MTOR: variants seen among roughly 807,000 people sequenced by gnomAD.
MTOR encodes the protein mechanistic target of rapamycin kinase, also known as serine/threonine-protein kinase mTOR.
Under a neutral mutation model 319.8 loss-of-function variants are expected in MTOR, and 70 were observed. That is an observed-to-expected ratio of 0.22 (90% CI 0.18 to 0.27). MTOR has a LOEUF of 0.27. Ranked by LOEUF, MTOR falls within the 10% of genes least tolerant of loss-of-function variation. The pLI, the probability that MTOR is intolerant of heterozygous loss-of-function variation, is 1.00. For missense variants in MTOR, 1,890 were observed against 3,274.4 expected, an observed-to-expected ratio of 0.58 and a Z score of 10.32; for synonymous variants, 1,183 against 1,211.4, an observed-to-expected ratio of 0.98 and a Z score of 0.49.
At position 11,129,115 on chromosome 1, in the gene MTOR, G is replaced by A. The variant is rs1222919956; in HGVS notation, c.5715-164C>T. On this transcript the variant is annotated intron_variant, in intron 40 of 57. Transcript: ENST00000361445. The surrounding 1 kb of genome is among the most constrained non-coding windows in gnomAD (Gnocchi z 4.7). ...GAGCAGGTGTCTGTGATGGGTGGCAGTGCTCTTGACTGAACACCGTAAGAG... is the reference window on the plus strand; with the variant it reads ...GAGCAGGTGTCTGTGATGGGTGGCAATGCTCTTGACTGAACACCGTAAGAG... Among the ~76,000 whole-genome samples the A allele has an allele frequency of 6.6e-6, 1 of 152,170 alleles. No individual in the cohort carries two copies. The highest frequency in any genetic ancestry group is 1.5e-5 in the Non-Finnish European group (1 of 68,028).
intron 28 of MTOR, among the ~76,000 whole-genome samples, chr1:11,183,596 T>C (rs1402268341): frequency 2.6e-5 from 4 of 152,228 alleles, no homozygotes; most frequent in Non-Finnish European, 5.9e-5. Flanking sequence ...AATGACTACT[T>C]TTGTTGCATT....
chr1:11,202,718 A>G (rs1646017365), intron 26 of MTOR, among the ~76,000 whole-genome samples: 1 of 152,018 alleles, frequency 6.6e-6, no homozygotes, highest in South Asian at 2.1e-4. Flanking sequence ...GTTTGAGATC[A>G]GCCTGGGCAA....
intron 47 of MTOR, among the ~76,000 whole-genome samples, chr1:11,124,171 C>T (rs1457310293): frequency 6.6e-6 from 1 of 151,876 alleles, no homozygotes; most frequent in Non-Finnish European, 1.5e-5. Flanking sequence ...CTCAAGTGAT[C>T]CTCCTACCTT....
chr1:11,212,669 T>C lies in MTOR; in HGVS notation c.3398+127A>G. 9.3e-7 allele frequency: 1 copy of C among 1,079,512 alleles called. No individual in the cohort carries two copies. The highest frequency in any genetic ancestry group is 2.4e-5 in the East Asian group (1 of 41,782). 66.9% of individuals were successfully genotyped at this position (1,079,512 alleles called of 1,614,324 possible). A position where few individuals can be genotyped will look rare whatever the true frequency, so the allele number is the denominator to read the frequency against. On this transcript the variant is annotated intron_variant, in intron 22 of 57. Coordinates refer to ENST00000361445, the MANE Select transcript of MTOR (RefSeq NM_004958.4). This position sits in a 1 kb window ranked among gnomAD's most constrained non-coding sequence, Gnocchi z 4.1. ...GATTTCCATAAACCTGGGATATTTC[T>C]AGACTAAAATAATGTGAGTTGAAAT...
At position 11,127,569 on chromosome 1, in the gene MTOR, T is replaced by G; in HGVS notation, c.6216+55A>C. 1 of 1,524,866 alleles carries G rather than the reference T, an allele frequency of 6.6e-7. No homozygotes were observed. Among genetic ancestry groups the G allele is most frequent in the Non-Finnish European group, 8.8e-7 (1 of 1,136,842 alleles). 94.5% of individuals were successfully genotyped at this position (1,524,866 alleles called of 1,614,324 possible). ...AAAACTTTTCTCATTTCATTTTTTT[T>G]TAGTGGCAGAATATTTCTACAGGGT... On this transcript the variant is annotated intron_variant, in intron 44 of 57. Transcript: ENST00000361445. The surrounding 1 kb of genome is among the most constrained non-coding windows in gnomAD (Gnocchi z 5.5).
Position 11,129,096 on chromosome 1 carries a change from G to A in MTOR, c.5715-145C>T, listed in dbSNP as rs1642990380. The A allele has an allele frequency of 3.0e-6, 2 of 662,526 alleles. No individual in the cohort carries two copies. The highest frequency in any genetic ancestry group is 4.7e-5 in the Admixed American group (2 of 42,518). 41.0% of individuals were successfully genotyped at this position (662,526 alleles called of 1,614,324 possible). The stretch of plus-strand genomic sequence containing the variant: ...TGTGTTTGGCCTCCCATGGGAGCAG[G>A]TGTCTGTGATGGGTGGCAGTGCTCT... On this transcript the variant is annotated intron_variant, in intron 40 of 57. Coordinates refer to ENST00000361445, the MANE Select transcript of MTOR (RefSeq NM_004958.4). The surrounding 1 kb of genome is among the most constrained non-coding windows in gnomAD (Gnocchi z 4.7).
rs1054327615 is a variant in MTOR at position 11,224,899 on chromosome 1, A to G, written c.3030+3769T>C. ...TAAAGGAAGAATGAATTACTGATACATGCCACACATGGATGAACCTCAAAA... is the reference window on the plus strand; with the variant it reads ...TAAAGGAAGAATGAATTACTGATACGTGCCACACATGGATGAACCTCAAAA... On this transcript the variant is annotated intron_variant, in intron 19 of 57. Transcript: ENST00000361445. Among the ~76,000 whole-genome samples the G allele has an allele frequency of 2.6e-5, 4 of 152,370 alleles. No individual in the cohort carries two copies. In the South Asian group the frequency reaches 8.3e-4, roughly 32 times the overall value.
chr1:11,157,354 CCA>C lies in MTOR; in HGVS notation c.4330-65_4330-64del, dbSNP rs1269384004. 3.9e-6 allele frequency: 6 copies of C among 1,555,496 alleles called. No homozygotes were observed. The East Asian group carries it at 1.4e-4, about 36-fold the overall frequency. Reference sequence around the variant, plus strand: ...AGAAGAAGGGATCACATTGTTTAATCCACATACTCTCTTTCCTAATGTGCTGC... The same window carrying C: ...AGAAGAAGGGATCACATTGTTTAATCCATACTCTCTTTCCTAATGTGCTGC... On this transcript the variant is annotated intron_variant, in intron 29 of 57. Transcript: ENST00000361445.
At chr1:11,170,011 C>T (rs113238417) in intron 28 of MTOR, among the ~76,000 whole-genome samples, 4,544 of 152,294 alleles carry the variant, frequency 0.03, 175 homozygotes, top group Admixed American at 0.071. Flanking sequence ...TGTCCAGTAT[C>T]CAGTTTCTAG....
At chr1:11,237,756 C>G in intron 13 of MTOR, 87 bp downstream of exon 13, 1 of 1,441,162 alleles carries the variant, frequency 6.9e-7, no homozygotes. Context: ...CTCCCCCATC[C>G]TTGTCCTCAA....
rs145140832 is a variant in MTOR at position 11,129,994 on chromosome 1, A to T, written c.5614-156T>A. ...AATCTTTAATCATTACCTGGCACAT[A>T]GCAAAGACTCAATAAATGGCAACTG... On this transcript the variant is annotated intron_variant, in intron 39 of 57. Transcript: ENST00000361445. This position sits in a 1 kb window ranked among gnomAD's most constrained non-coding sequence, Gnocchi z 4.7. Among the ~76,000 whole-genome samples the T allele has an allele frequency of 0.011, 1,712 of 152,368 alleles. 68 individuals are homozygous for T. Among genetic ancestry groups the T allele is most frequent in the South Asian group, 0.065 (314 of 4,822 alleles).
At chr1:11,149,339 C>G (rs2100532972) in intron 31 of MTOR, 1 of 152,212 alleles carries the variant, frequency 6.6e-6, no homozygotes, top group East Asian at 1.9e-4. Context: ...CACTGACATC[C>G]AGGAAAGGTG....
chr1:11,209,579 A>T, intron 24 of MTOR, 121 bp from the exon 25 acceptor site: 2 of 1,185,430 alleles, frequency 1.7e-6, no homozygotes, highest in Non-Finnish European at 1.2e-6. Flanking sequence ...AAGAAGTAAA[A>T]AGTTGCACAT....
chr1:11,202,639 GTGA>G (rs1386293028), intron 26 of MTOR, among the ~76,000 whole-genome samples: 2 of 151,880 alleles, frequency 1.3e-5, no homozygotes, highest in African/African-American at 4.8e-5. Flanking sequence ...AAAAAAAATG[GTGA>G]TGACTCATGC....
In MTOR at chr1:11,212,491, CAT is replaced by C; in HGVS notation, c.3399-19_3399-18del. ...AGCGCTGCCCTACAACAATCACTAA[CAT>C]ACAGTAACTGCTAACATACAATCTC... On this transcript the variant is annotated intron_variant, in intron 22 of 57. Transcript: ENST00000361445. This position sits in a 1 kb window ranked among gnomAD's most constrained non-coding sequence, Gnocchi z 4.1. 1 of 1,608,172 alleles carries C rather than the reference CAT, an allele frequency of 6.2e-7. No homozygotes were observed. The highest frequency in any genetic ancestry group is 8.5e-7 in the Non-Finnish European group (1 of 1,177,612).
At chr1:11,149,622 T>C (rs1644065653) in intron 31 of MTOR, 2 of 153,174 alleles carry the variant, frequency 1.3e-5, no homozygotes, top group African/African-American at 4.8e-5. Context: ...ATGGGAACCC[T>C]GATTTACAGC....
At position 11,128,440 on chromosome 1, in the gene MTOR, G is replaced by A; in HGVS notation, c.5910+14C>T. The A allele has an allele frequency of 6.2e-7, 1 of 1,612,554 alleles. No homozygotes were observed. On this transcript the variant is annotated intron_variant, in intron 42 of 57. Transcript: ENST00000361445. The surrounding 1 kb of genome is among the most constrained non-coding windows in gnomAD (Gnocchi z 5.3). ...CAGTGGTTAGATGAGAAACTGCCCA[G>A]AGTCTCCACATACCTGGGGGTGGTA... is the stretch of plus-strand genomic sequence containing the variant.
At chr1:11,220,998 ATT>A (rs112822190) in intron 19 of MTOR, among the ~76,000 whole-genome samples, 1 of 145,284 alleles carries the variant, frequency 6.9e-6, no homozygotes. Flanking sequence ...ACAAAAGTTA[ATT>A]TTTTTTTTTT....
intron 3 of MTOR, among the ~76,000 whole-genome samples, chr1:11,257,931 G>A (rs1569851083): frequency 6.6e-6 from 1 of 151,976 alleles, no homozygotes; most frequent in African/African-American, 2.4e-5. Context: ...CCAACATGGT[G>A]AAACCCTGTC....
Sources: gnomAD v4.1 joint callset for allele counts (sites outside exome capture counted in the v4.1 genomes callset) on GRCh38, gnomAD v4.1.1 for gene constraint, Gnocchi (gnomAD v3.1) non-coding constraint, MANE v1.5 for transcripts, NCBI Gene and HGNC (gene_info 2026-07-23, HGNC 2026-07-21) for gene names.